Variants in EPHA6 observed in about 807,000 individuals in gnomAD.
EPHA6 encodes the protein ephrin type-A receptor 6.
A neutral mutation model predicts 112.0 loss-of-function variants in EPHA6; 50 were observed. That is an observed-to-expected ratio of 0.45 (90% confidence interval 0.36 to 0.56). The LOEUF is 0.56. Ranked by LOEUF, EPHA6 falls within the 20% of genes least tolerant of loss-of-function variation. The pLI is 0.00. For missense variants in EPHA6, 1,280 were observed against 1,417.4 expected, an observed-to-expected ratio of 0.90 and a Z score of 1.56; for synonymous variants, 529 against 490.7, an observed-to-expected ratio of 1.08 and a Z score of -1.03.
chr3:97,601,885 T>C (rs2093646083), intron 12 of EPHA6, among the ~76,000 whole-genome samples: 1 of 152,088 alleles, frequency 6.6e-6, no homozygotes, highest in Admixed American at 6.6e-5. Context: ...AATTTTCTTT[T>C]GACAGTGAAT....
chr3:97,645,973 G>A lies in EPHA6; in HGVS notation c.2784+7891G>A. 4 of 496,528 alleles carry A rather than the reference G, an allele frequency of 8.1e-6. No individual in the cohort carries two copies. In the South Asian group the frequency reaches 2.1e-4, roughly 26 times the overall value. 30.8% of individuals were successfully genotyped at this position (496,528 alleles called of 1,614,324 possible). ...AGAAGACATGATAGATAAAGGTTGG[G>A]TTTTGTGGGGCAGTTGTTGGGGAGA... On this transcript the variant is annotated intron_variant, in intron 14 of 17. Coordinates refer to ENST00000389672, the MANE Select transcript of EPHA6 (RefSeq NM_001080448.3).
At chr3:96,994,798 G>GTGTA (rs780975532) in intron 3 of EPHA6, among the ~76,000 whole-genome samples, 1 of 136,532 alleles carries the variant, frequency 7.3e-6, no homozygotes. Context: ...ATATGTGTGT[G>GTGTA]TATATATATA....
At chr3:97,088,597 T>TA (rs1212375193) in intron 3 of EPHA6, among the ~76,000 whole-genome samples, 3 of 152,204 alleles carry the variant, frequency 2.0e-5, no homozygotes, top group African/African-American at 7.2e-5. Flanking sequence ...TCCTGAGACA[T>TA]ACTTTTGTGT....
At chr3:97,109,864 A>G (rs764051307) in intron 3 of EPHA6, among the ~76,000 whole-genome samples, 53 of 152,136 alleles carry the variant, frequency 3.5e-4, no homozygotes, top group Non-Finnish European at 6.8e-4. Context: ...AATTGTGACA[A>G]GTACAGAAGT....
intron 5 of EPHA6, among the ~76,000 whole-genome samples, chr3:97,362,688 T>G (rs1391435165): frequency 1.3e-5 from 2 of 152,010 alleles, no homozygotes; most frequent in Admixed American, 1.3e-4. Context: ...AAGTACCCTG[T>G]GGGTTAATTG....
intron 3 of EPHA6, among the ~76,000 whole-genome samples, chr3:97,017,022 A>G (rs1299143292): frequency 6.6e-6 from 1 of 152,160 alleles, no homozygotes; most frequent in East Asian, 1.9e-4. Context: ...CAAATTTGTT[A>G]AGAACATTTA....
chr3:96,937,923 C>A (rs1165344050), intron 2 of EPHA6, among the ~76,000 whole-genome samples: 2 of 151,544 alleles, frequency 1.3e-5, no homozygotes, highest in Admixed American at 6.6e-5. Context: ...GTTGTAGATA[C>A]GCGGCATTAT....
At chr3:97,430,362 G>T (rs1224106255) in intron 6 of EPHA6, among the ~76,000 whole-genome samples, 1 of 152,000 alleles carries the variant, frequency 6.6e-6, no homozygotes, top group Non-Finnish European at 1.5e-5. Flanking sequence ...ACCTAGAAGT[G>T]ATTTTAGGGG....
In EPHA6 at chr3:97,669,258, TTTG is replaced by T. The variant is rs572914629; in HGVS notation, c.2784+31179_2784+31181del. On this transcript the variant is annotated intron_variant, in intron 14 of 17. Coordinates refer to ENST00000389672, the MANE Select transcript of EPHA6 (RefSeq NM_001080448.3). The stretch of plus-strand genomic sequence containing the variant: ...GTTGACCTCCTCTTTTACTTTCTGT[TTTG>T]TTTTTTTTTTCTAATATATATACCC... Among the ~76,000 whole-genome samples the T allele has an allele frequency of 5.9e-5, 9 of 152,090 alleles. No homozygotes were observed. The South Asian group carries it at 1.9e-3, about 32-fold the overall frequency.
At chr3:97,429,026 A>G (rs1007733817) in intron 6 of EPHA6, among the ~76,000 whole-genome samples, 3 of 152,122 alleles carry the variant, frequency 2.0e-5, no homozygotes, top group Non-Finnish European at 2.9e-5. Context: ...GTTTCTTTTC[A>G]TAAATACCTT....
At chr3:96,816,543 G>A (rs1437982281) in intron 1 of EPHA6, among the ~76,000 whole-genome samples, 2 of 152,176 alleles carry the variant, frequency 1.3e-5, no homozygotes, top group Non-Finnish European at 1.5e-5. Flanking sequence ...TTAATAATTG[G>A]AAAGTCAGAC....
chr3:97,685,686 C>T (rs568914422), intron 14 of EPHA6, among the ~76,000 whole-genome samples: 2 of 152,296 alleles, frequency 1.3e-5, no homozygotes, highest in East Asian at 3.9e-4. Context: ...ACACAAGTCA[C>T]ATGGCCATGC....
At chr3:96,918,678 T>C (rs887263112) in intron 2 of EPHA6, among the ~76,000 whole-genome samples, 5 of 152,048 alleles carry the variant, frequency 3.3e-5, no homozygotes, top group African/African-American at 7.2e-5. Flanking sequence ...AATATGTATT[T>C]CAAACTTGGG....
At chr3:97,240,908 A>G (rs2078826610) in intron 4 of EPHA6, among the ~76,000 whole-genome samples, 2 of 151,872 alleles carry the variant, frequency 1.3e-5, no homozygotes, top group African/African-American at 2.4e-5. Flanking sequence ...GAAGGATTGC[A>G]TAGGACATAT....
intron 7 of EPHA6, among the ~76,000 whole-genome samples, chr3:97,456,876 G>A (rs7650766): frequency 1.4e-4 from 22 of 152,098 alleles, no homozygotes; most frequent in Non-Finnish European, 3.2e-4. Flanking sequence ...GAGCAAAAAT[G>A]TTCCTTAGGT....
intron 6 of EPHA6, among the ~76,000 whole-genome samples, chr3:97,406,893 T>A (rs1431511690): frequency 1.3e-5 from 2 of 152,126 alleles, no homozygotes; most frequent in Non-Finnish European, 2.9e-5. Flanking sequence ...AGAAAGCATA[T>A]GTTTTCTGTT....
At chr3:97,098,444 A>G (rs1040725200) in intron 3 of EPHA6, among the ~76,000 whole-genome samples, 4 of 151,866 alleles carry the variant, frequency 2.6e-5, no homozygotes, top group African/African-American at 7.2e-5. Flanking sequence ...TATGCATTAG[A>G]TCTGAATAGG....
intron 7 of EPHA6, among the ~76,000 whole-genome samples, chr3:97,465,109 C>T (rs910014766): frequency 2.0e-5 from 3 of 152,008 alleles, no homozygotes; most frequent in African/African-American, 7.2e-5. Flanking sequence ...AAACACAATA[C>T]TGGTTTTTAT....
intron 2 of EPHA6, among the ~76,000 whole-genome samples, chr3:96,920,291 A>G (rs1006871041): frequency 2.6e-5 from 4 of 151,960 alleles, no homozygotes; most frequent in Non-Finnish European, 5.9e-5. Context: ...GGGACTATTT[A>G]TGGAAAAAGA....
Sources: gnomAD v4.1 joint callset for allele counts (sites outside exome capture counted in the v4.1 genomes callset) on GRCh38, gnomAD v4.1.1 for gene constraint, MANE v1.5 for transcripts, NCBI Gene and HGNC (gene_info 2026-07-23, HGNC 2026-07-21) for gene names.